RORA: variants seen among roughly 807,000 people sequenced by gnomAD.
RORA encodes the protein RAR related orphan receptor A.
RORA carries 7 observed loss-of-function variants against 69.5 expected under a neutral mutation model. The observed-to-expected ratio is 0.10, with a 90% CI of 0.06 to 0.19. RORA has a LOEUF of 0.19. Ranked by LOEUF, RORA falls within the 10% of genes least tolerant of loss-of-function variation. The probability of loss-of-function intolerance (pLI) is 1.00; values close to 1 mark genes in which losing one functional copy is unlikely to be tolerated. For synonymous variants in RORA, 261 were observed against 240.8 expected, an observed-to-expected ratio of 1.08 and a Z score of -0.78; for missense variants, 457 against 663.0, an observed-to-expected ratio of 0.69 and a Z score of 3.41.
At chr15:61,033,408 G>GA (rs1555403791) in intron 1 of RORA, among the ~76,000 whole-genome samples, 1,841 of 36,084 alleles carry the variant, frequency 0.051, 38 homozygotes, top group African/African-American at 0.12. Flanking sequence ...GCTTTATTCT[G>GA]AAAAAAAAAA....
At position 61,061,988 on chromosome 15, in the gene RORA, A is replaced by C. The variant is rs2078193335; in HGVS notation, c.166+167065T>G. Among the ~76,000 whole-genome samples, 1 of 152,170 alleles carries C rather than the reference A, an allele frequency of 6.6e-6. No individual in the cohort carries two copies. Among genetic ancestry groups the C allele is most frequent in the African/African-American group, 2.4e-5 (1 of 41,442 alleles). On this transcript the variant is annotated intron_variant, in intron 1 of 10. Coordinates refer to ENST00000335670, the MANE Select transcript of RORA (RefSeq NM_134261.3). This position sits in a 1 kb window ranked among gnomAD's most constrained non-coding sequence, Gnocchi z 4.4. ...TGAGGCAGGAGAATCCCTTGAACCTAGGAGACGGAGGTTGCAGTGAGCTGG... is the reference window on the plus strand; with the variant it reads ...TGAGGCAGGAGAATCCCTTGAACCTCGGAGACGGAGGTTGCAGTGAGCTGG...
At chr15:60,912,137 G>A (rs1891742356) in intron 1 of RORA, among the ~76,000 whole-genome samples, 1 of 152,130 alleles carries the variant, frequency 6.6e-6, no homozygotes, top group Non-Finnish European at 1.5e-5. Context: ...CAGACCAGGT[G>A]CAGTGGCTCA....
chr15:61,069,967 C>T (rs1206169887), intron 1 of RORA, among the ~76,000 whole-genome samples: 2 of 152,154 alleles, frequency 1.3e-5, no homozygotes, highest in African/African-American at 2.4e-5. Flanking sequence ...TATCTTTTTG[C>T]TCCTTTCTGG....
chr15:61,086,970 T>TGAG (rs975327260), intron 1 of RORA, among the ~76,000 whole-genome samples: 1 of 152,124 alleles, frequency 6.6e-6, no homozygotes, highest in Non-Finnish European at 1.5e-5. Flanking sequence ...TCCAGGAGTT[T>TGAG]GAGACCAGCT....
At chr15:60,984,016 G>A (rs1033009243) in intron 1 of RORA, among the ~76,000 whole-genome samples, 4 of 152,144 alleles carry the variant, frequency 2.6e-5, no homozygotes, top group Admixed American at 2.6e-4. Flanking sequence ...TTGTAACTCT[G>A]CTGTGTTTTT....
In RORA at chr15:61,046,559, G is replaced by A. The variant is rs374662188; in HGVS notation, c.166+182494C>T. Among the ~76,000 whole-genome samples, 53 of 152,356 alleles carry A rather than the reference G, an allele frequency of 3.5e-4. 1 individual carries two copies. In the East Asian group the frequency reaches 9.3e-3, roughly 27 times the overall value. On this transcript the variant is annotated intron_variant, in intron 1 of 10. Coordinates refer to ENST00000335670, the MANE Select transcript of RORA (RefSeq NM_134261.3). ...AGAGGCGAGCCGCAGGAAGGGTACT[G>A]CAGAGATGTTCATGCAAATGCAGGG...
Position 60,941,496 on chromosome 15 carries a change from G to C in RORA, c.167-262810C>G, listed in dbSNP as rs571662382. ...AGGGGCCTAAGATACTTGGAGGAAAGTCTACCAGTGCCATGGTCAACAGTG... is the reference window on the plus strand; with the variant it reads ...AGGGGCCTAAGATACTTGGAGGAAACTCTACCAGTGCCATGGTCAACAGTG... On this transcript the variant is annotated intron_variant, in intron 1 of 10. Transcript: ENST00000335670. Among the ~76,000 whole-genome samples, 24 of 152,358 alleles carry C rather than the reference G, an allele frequency of 1.6e-4. No homozygotes were observed. In the East Asian group the frequency reaches 2.9e-3, roughly 18 times the overall value.
intron 2 of RORA, chr15:60,677,106 G>C: frequency 2.2e-6 from 1 of 451,302 alleles, no homozygotes; most frequent in Non-Finnish European, 4.5e-6. Flanking sequence ...GCCCCTGTTG[G>C]GGAGAGGCCC....
At chr15:60,880,026 C>T (rs150199391) in intron 1 of RORA, among the ~76,000 whole-genome samples, 80 of 152,284 alleles carry the variant, frequency 5.3e-4, no homozygotes, top group African/African-American at 1.9e-3. Context: ...TAATCTACTC[C>T]TTCACCCATG....
At chr15:60,608,318 T>G (rs12913506) in intron 2 of RORA, among the ~76,000 whole-genome samples, 12,820 of 152,212 alleles carry the variant, frequency 0.084, 663 homozygotes, top group Non-Finnish European at 0.12. Flanking sequence ...CCAAATTGCT[T>G]TTACATTTTA....
chr15:61,180,173 A>T (rs1366746689), intron 1 of RORA, among the ~76,000 whole-genome samples: 1 of 151,550 alleles, frequency 6.6e-6, no homozygotes. Context: ...AAAAAGACAA[A>T]ACTGTAGAGC....
chr15:61,145,138 T>C (rs1415550911), intron 1 of RORA, among the ~76,000 whole-genome samples: 1 of 152,206 alleles, frequency 6.6e-6, no homozygotes, highest in African/African-American at 2.4e-5. Flanking sequence ...CTATACAGGA[T>C]ATCTGTACAA....
intron 1 of RORA, among the ~76,000 whole-genome samples, chr15:60,824,883 G>GCCGAGGACAGAATAACAGCTGT (rs2072936777): frequency 6.6e-6 from 1 of 152,128 alleles, no homozygotes; most frequent in South Asian, 2.1e-4. Flanking sequence ...ATAACAGCTG[G>GCCGAGGACAGAATAACAGCTGT]CCAAGGACAA....
intron 1 of RORA, among the ~76,000 whole-genome samples, chr15:61,086,837 T>C (rs1036900705): frequency 6.6e-6 from 1 of 152,198 alleles, no homozygotes; most frequent in Non-Finnish European, 1.5e-5. Flanking sequence ...GTATTATCTA[T>C]GGCACTTCTA....
chr15:61,065,142 C>T (rs1044450013), intron 1 of RORA, among the ~76,000 whole-genome samples: 1 of 152,308 alleles, frequency 6.6e-6, no homozygotes, highest in East Asian at 1.9e-4. Context: ...AACCCCTCCC[C>T]ACAGAATCTG....
At chr15:60,749,376 T>C (rs2071690875) in intron 1 of RORA, among the ~76,000 whole-genome samples, 1 of 152,250 alleles carries the variant, frequency 6.6e-6, no homozygotes. Context: ...GGATGAAATG[T>C]AAATTAATGG....
At chr15:61,138,063 T>C (rs76199848) in intron 1 of RORA, among the ~76,000 whole-genome samples, 4,730 of 152,248 alleles carry the variant, frequency 0.031, 99 homozygotes, top group Middle Eastern at 0.061. Flanking sequence ...GAAGAATAAA[T>C]ACAAAATCAC....
chr15:60,541,256 A>G (rs1228475514), intron 2 of RORA, among the ~76,000 whole-genome samples: 1 of 152,200 alleles, frequency 6.6e-6, no homozygotes, highest in Non-Finnish European at 1.5e-5. Context: ...TAAACAAAAA[A>G]TATGGCAAGT....
intron 1 of RORA, among the ~76,000 whole-genome samples, chr15:60,707,415 G>A (rs1374087263): frequency 6.6e-6 from 1 of 150,880 alleles, no homozygotes; most frequent in Non-Finnish European, 1.5e-5. Flanking sequence ...CCAGGCTGGA[G>A]TGCAATGGCG....
Sources: gnomAD v4.1 joint callset for allele counts (sites outside exome capture counted in the v4.1 genomes callset) on GRCh38, gnomAD v4.1.1 for gene constraint, Gnocchi (gnomAD v3.1) non-coding constraint, MANE v1.5 for transcripts, NCBI Gene and HGNC (gene_info 2026-07-23, HGNC 2026-07-21) for gene names.